Variants in SPECC1 observed in about 807,000 individuals in gnomAD.
SPECC1 encodes cytospin-B.
SPECC1 carries 62 observed loss-of-function variants against 104.1 expected under a neutral mutation model. That is an observed-to-expected ratio of 0.60 (90% confidence interval 0.49 to 0.74). SPECC1 has a LOEUF of 0.74. Ranked by LOEUF, SPECC1 falls within the 30% of genes least tolerant of loss-of-function variation. The pLI is 0.00. For missense variants in SPECC1, 1,306 were observed against 1,310.5 expected, an observed-to-expected ratio of 1.00 and a Z score of 0.05; for synonymous variants, 513 against 501.6, an observed-to-expected ratio of 1.02 and a Z score of -0.30.
chr17:20,226,810 T>C (rs932786967), intron 4 of SPECC1, among the ~76,000 whole-genome samples: 1 of 152,312 alleles, frequency 6.6e-6, no homozygotes, highest in African/African-American at 2.4e-5. Flanking sequence ...ATGAATGTGA[T>C]AGAGAATCTT....
intron 1 of SPECC1, among the ~76,000 whole-genome samples, chr17:20,052,866 G>A (rs78083683): frequency 0.074 from 11,199 of 152,214 alleles, 556 homozygotes; most frequent in African/African-American, 0.14. Flanking sequence ...TGGATTTGAG[G>A]TGAGAATCTC....
intron 12 of SPECC1, among the ~76,000 whole-genome samples, chr17:20,293,413 A>G (rs987229966): frequency 6.6e-6 from 1 of 152,028 alleles, no homozygotes; most frequent in African/African-American, 2.4e-5. Context: ...TCTCCTTTTC[A>G]GTTACAAATT....
chr17:20,204,743 A>G lies in SPECC1; in HGVS notation c.694A>G (p.Lys232Glu). The G allele has an allele frequency of 6.2e-7, 1 of 1,614,136 alleles. No homozygotes were observed. The highest frequency in any genetic ancestry group is 8.5e-7 in the Non-Finnish European group (1 of 1,180,014). ...TEPMIRALEE[K>E]NKNFQKELSD... ...ACCTATGATAAGAGCTCTTGAGGAG[A>G]AGAACAAGAACTTTCAGAAAGAGCT... The change falls in exon 4 of 15, where the codon AAG becomes GAG. Residue 232 changes from lysine (K) to glutamate (E), a missense_variant. By Grantham distance (56) the Lys-to-Glu change is moderately conservative (BLOSUM62 1). Coordinates refer to ENST00000395527, the MANE Select transcript of SPECC1 (RefSeq NM_001243439.2).
At chr17:20,047,803 T>C (rs1274932009) in intron 1 of SPECC1, among the ~76,000 whole-genome samples, 2 of 152,088 alleles carry the variant, frequency 1.3e-5, no homozygotes, top group African/African-American at 4.8e-5. Flanking sequence ...TTCACCGTGT[T>C]AGCCAGGATG....
intron 3 of SPECC1, among the ~76,000 whole-genome samples, chr17:20,124,165 G>A (rs541618995): frequency 1.6e-4 from 24 of 151,580 alleles, no homozygotes; most frequent in Non-Finnish European, 2.7e-4. Context: ...ATGTGTAGAT[G>A]GCAACAGGGA....
chr17:20,284,203 C>T (rs1251853247), intron 12 of SPECC1, among the ~76,000 whole-genome samples: 1 of 152,240 alleles, frequency 6.6e-6, no homozygotes, highest in East Asian at 1.9e-4. Flanking sequence ...AGCTCACCAG[C>T]TCTCTGCCTG....
intron 3 of SPECC1, among the ~76,000 whole-genome samples, chr17:20,178,399 T>A (rs2034626229): frequency 6.6e-6 from 1 of 152,152 alleles, no homozygotes; most frequent in South Asian, 2.1e-4. Flanking sequence ...GTGTGATGAT[T>A]TGTGTGGGTG....
chr17:20,066,856 A>C, intron 1 of SPECC1, among the ~76,000 whole-genome samples: 1 of 151,436 alleles, frequency 6.6e-6, no homozygotes, highest in East Asian at 1.9e-4. Context: ...CTCCCATCTC[A>C]GCCTCCCAAG....
intron 3 of SPECC1, among the ~76,000 whole-genome samples, chr17:20,175,912 A>G (rs989032168): frequency 6.6e-6 from 1 of 152,216 alleles, no homozygotes; most frequent in Non-Finnish European, 1.5e-5. Context: ...GAATTCAACT[A>G]CTCATAAAAG....
intron 1 of SPECC1, among the ~76,000 whole-genome samples, chr17:20,093,392 A>G (rs569091483): frequency 3.2e-4 from 49 of 152,306 alleles, no homozygotes; most frequent in Non-Finnish European, 6.2e-4. Flanking sequence ...CTGGGAGAAC[A>G]TTCAGATCAT....
At chr17:20,102,483 GACAGGACCAC>G (rs879351750) in intron 2 of SPECC1, among the ~76,000 whole-genome samples, 1 of 152,210 alleles carries the variant, frequency 6.6e-6, no homozygotes, top group Non-Finnish European at 1.5e-5. Context: ...GTCTGGGAAG[GACAGGACCAC>G]ATCTACCCAC....
At chr17:20,286,517 G>A (rs953509124) in intron 12 of SPECC1, among the ~76,000 whole-genome samples, 3 of 152,090 alleles carry the variant, frequency 2.0e-5, no homozygotes, top group African/African-American at 4.8e-5. Context: ...CTACTTTAAG[G>A]CCTGTGCCAG....
intron 2 of SPECC1, among the ~76,000 whole-genome samples, chr17:20,106,099 G>A (rs73981810): frequency 0.015 from 2,251 of 152,270 alleles, 42 homozygotes; most frequent in African/African-American, 0.051. Flanking sequence ...TATGGCTTGC[G>A]TTATTGCGTT....
intron 2 of SPECC1, among the ~76,000 whole-genome samples, chr17:20,099,435 G>A (rs1429306967): frequency 6.7e-6 from 1 of 149,532 alleles, no homozygotes; most frequent in African/African-American, 2.5e-5. Context: ...CACTTTGGGA[G>A]GCTGAGGTGG....
chr17:20,076,873 C>G (rs569084517), intron 1 of SPECC1, among the ~76,000 whole-genome samples: 1 of 151,420 alleles, frequency 6.6e-6, no homozygotes, highest in East Asian at 1.9e-4. Context: ...CCGACAGTAT[C>G]ACAGGGAAAA....
chr17:20,292,406 C>T (rs181876243), intron 12 of SPECC1, among the ~76,000 whole-genome samples: 252 of 152,128 alleles, frequency 1.7e-3, no homozygotes, highest in Non-Finnish European at 2.9e-3. Flanking sequence ...TCTCAGCTGA[C>T]TGCAACCTCC....
chr17:20,098,912 G>A (rs2152508111), intron 2 of SPECC1, among the ~76,000 whole-genome samples: 1 of 152,330 alleles, frequency 6.6e-6, no homozygotes, highest in Non-Finnish European at 1.5e-5. Flanking sequence ...AAGAGCACCT[G>A]CTACCTGGTA....
At chr17:20,240,286 A>G (rs1397286776) in intron 7 of SPECC1, among the ~76,000 whole-genome samples, 1 of 151,516 alleles carries the variant, frequency 6.6e-6, no homozygotes, top group African/African-American at 2.4e-5. Context: ...TAGTTTTGCA[A>G]CTTTTCCCTG....
chr17:20,034,058 C>G (rs1366337370), intron 1 of SPECC1, among the ~76,000 whole-genome samples: 1 of 152,020 alleles, frequency 6.6e-6, no homozygotes, highest in Non-Finnish European at 1.5e-5. Flanking sequence ...TAAATTCTGG[C>G]TCCTTTAAAT....
Sources: gnomAD v4.1 joint callset for allele counts (sites outside exome capture counted in the v4.1 genomes callset) on GRCh38, gnomAD v4.1.1 for gene constraint, MANE v1.5 for transcripts, NCBI Gene and HGNC (gene_info 2026-07-23, HGNC 2026-07-21) for gene names.